Variants in KDM5B observed in about 807,000 individuals in gnomAD.
KDM5B encodes the protein lysine-specific demethylase 5B.
KDM5B carries 144 observed loss-of-function variants against 193.4 expected under a neutral mutation model. The ratio of observed to expected loss-of-function variants is 0.74; its 90% confidence interval spans 0.65 to 0.86. The LOEUF (loss-of-function observed/expected upper bound fraction) is 0.86. Ranked by LOEUF, KDM5B falls within the 40% of genes least tolerant of loss-of-function variation. The pLI is 0.00. For synonymous variants in KDM5B, 668 were observed against 682.6 expected, an observed-to-expected ratio of 0.98 and a Z score of 0.33; for missense variants, 1,833 against 1,886.9, an observed-to-expected ratio of 0.97 and a Z score of 0.53.
chr1:202,749,127 G>A lies in KDM5B; in HGVS notation c.1834C>T (p.Arg612Ter), dbSNP rs777362026. The A allele has an allele frequency of 5.0e-6, 8 of 1,599,886 alleles. No homozygotes were observed. Among genetic ancestry groups the A allele is most frequent in the Non-Finnish European group, 6.0e-6 (7 of 1,176,016 alleles). The change falls in exon 14 of 27, where the codon CGA becomes TGA. Residue 612 changes from arginine (R) to a stop codon, truncating the protein, a stop_gained. Coordinates refer to ENST00000367265, the MANE Select transcript of KDM5B (RefSeq NM_006618.5). LOFTEE classifies it high-confidence loss of function. The part of the protein sequence containing the change: ...FCTVDWLPLG[R>*]QCVEHYRLLH... ...AAGCGATAATGCTCCACACACTGTC[G>A]GCCTAATGGCAGCTGTATCAAAACA...
chr1:202,782,185 T>C (rs1657225512), intron 1 of KDM5B, among the ~76,000 whole-genome samples: 1 of 152,188 alleles, frequency 6.6e-6, no homozygotes, highest in Non-Finnish European at 1.5e-5. Flanking sequence ...ACAAACTCTG[T>C]CATCTCTTCT....
chr1:202,746,407 C>A (rs12045401), intron 14 of KDM5B, 84 bp from the exon 15 acceptor site: 21 of 627,442 alleles, frequency 3.3e-5, no homozygotes, highest in African/African-American at 1.5e-4. Context: ...GTACTTGAGT[C>A]TGAAAAAAAA....
rs182393843 is a variant in KDM5B at position 202,728,256 on chromosome 1, A to G, written c.*780T>C. On this transcript the variant is annotated 3_prime_UTR_variant, in exon 27 of 27. Coordinates refer to ENST00000367265, the MANE Select transcript of KDM5B (RefSeq NM_006618.5). ...TAAACTGTAACATTTGATACAAGCTACCAAAAAATAGGGGAGAAAGGAAGG... is the reference window on the plus strand; with the variant it reads ...TAAACTGTAACATTTGATACAAGCTGCCAAAAAATAGGGGAGAAAGGAAGG... The G allele has an allele frequency of 6.6e-6, 1 of 152,560 alleles. No homozygotes were observed. Among genetic ancestry groups the G allele is most frequent in the Non-Finnish European group, 1.5e-5 (1 of 68,060 alleles). 9.5% of individuals were successfully genotyped at this position (152,560 alleles called of 1,614,324 possible).
chr1:202,762,782 G>C lies in KDM5B; in HGVS notation c.835C>G (p.Gln279Glu). The C allele has an allele frequency of 6.2e-7, 1 of 1,607,132 alleles. No individual in the cohort carries two copies. The highest frequency in any genetic ancestry group is 8.5e-7 in the Non-Finnish European group (1 of 1,173,800). Reference protein sequence around the residue: ...NEKEMKSSIKQEPIERKDYIV... With the variant: ...NEKEMKSSIKEEPIERKDYIV... ...TAATCTTTCCTCTCAATAGGTTCTT[G>C]CTTGATGCTACTCTTCATTTCTTTC... The change falls in exon 7 of 27, where the codon CAA (glutamine) becomes GAA (glutamate). Residue 279 changes from glutamine to glutamate, a missense_variant. Transcript: ENST00000367265.
intron 26 of KDM5B, 93 bp from the exon 27 acceptor site, chr1:202,729,266 A>G: frequency 1.4e-6 from 2 of 1,390,758 alleles, no homozygotes; most frequent in South Asian, 2.4e-5. Flanking sequence ...GCCGTTTGCC[A>G]ATAACAGCCA....
chr1:202,749,280 T>C, intron 13 of KDM5B, 141 bp from the exon 14 acceptor site: 1 of 714,700 alleles, frequency 1.4e-6, no homozygotes, highest in Admixed American at 3.2e-5. Flanking sequence ...AACCAGACTC[T>C]GGGCCAGGTA....
At chr1:202,786,912 C>T (rs1219524472) in intron 1 of KDM5B, among the ~76,000 whole-genome samples, 1 of 152,076 alleles carries the variant, frequency 6.6e-6, no homozygotes. Context: ...GATCTTAGAC[C>T]AGCCTGACCA....
At chr1:202,729,285 C>A in intron 26 of KDM5B, 112 bp from the exon 27 acceptor site, 9 of 1,134,560 alleles carry the variant, frequency 7.9e-6, no homozygotes, top group Middle Eastern at 2.9e-4. Context: ...CACTGTCCCA[C>A]CACTGGGACC....
chr1:202,738,986 TTTTA>T (rs1310340444), intron 20 of KDM5B, among the ~76,000 whole-genome samples: 5 of 152,108 alleles, frequency 3.3e-5, no homozygotes, highest in African/African-American at 1.2e-4. Flanking sequence ...ACTGGGTAGG[TTTTA>T]TTTCTTTTGT....
chr1:202,801,410 G>A (rs1288298132), intron 1 of KDM5B, among the ~76,000 whole-genome samples: 1 of 152,166 alleles, frequency 6.6e-6, no homozygotes, highest in Non-Finnish European at 1.5e-5. Flanking sequence ...GGACTTAAAA[G>A]AATGCATTCC....
chr1:202,774,620 A>G lies in KDM5B; in HGVS notation c.398T>C (p.Leu133Pro). The change falls in exon 3 of 27, where the codon CTT becomes CCT. Residue 133 changes from leucine (L) to proline (P), a missense_variant. Transcript: ENST00000367265. Reference sequence around the variant, plus strand: ...TGGTCATTAGCTCTTTACCTTATTAAGCTGAAATAAGTCCAAGATCTTCCT... The same window carrying G: ...TGGTCATTAGCTCTTTACCTTATTAGGCTGAAATAAGTCCAAGATCTTCCT... ...VERKILDLFQ[L>P]NKLVAEEGGF... 6.2e-7 allele frequency: 1 copy of G among 1,610,616 alleles called. No homozygotes were observed. Among genetic ancestry groups the G allele is most frequent in the Non-Finnish European group, 8.5e-7 (1 of 1,177,044 alleles).
chr1:202,746,494 A>C, intron 14 of KDM5B, 171 bp from the exon 15 acceptor site: 1 of 513,822 alleles, frequency 1.9e-6, no homozygotes, highest in Non-Finnish European at 3.4e-6. Flanking sequence ...TAGCAAATAC[A>C]GGCAAGTTCA....
chr1:202,737,950 T>C (rs1393276461), intron 20 of KDM5B, among the ~76,000 whole-genome samples: 2 of 152,248 alleles, frequency 1.3e-5, no homozygotes, highest in Non-Finnish European at 2.9e-5. Flanking sequence ...TGTTAGGGCA[T>C]AAATGTTCTG....
intron 2 of KDM5B, among the ~76,000 whole-genome samples, chr1:202,775,064 ACC>A (rs11337396): frequency 6.6e-6 from 1 of 150,690 alleles, no homozygotes. Context: ...ACATGATGAA[ACC>A]CCCCATCTCT....
At position 202,745,907 on chromosome 1, in the gene KDM5B, C is replaced by A; in HGVS notation, c.2274G>T (p.Trp758Cys). ...LKLRAESYNE[W>C]ALNVNEALEA... The stretch of plus-strand genomic sequence containing the variant: ...CCAAAGCTTCATTCACATTCAAGGC[C>A]CATTCGTTGTAAGATTCTGCTCGAA... The change falls in exon 16 of 27, where the codon TGG becomes TGT. Residue 758 changes from tryptophan (W) to cysteine (C), a missense_variant. Trp to Cys is a radical substitution (Grantham distance 215). This residue lies in a region of KDM5B where 1,379 missense variants were observed against 1,349.6 expected (regional missense o/e 1.02). Coordinates refer to ENST00000367265, the MANE Select transcript of KDM5B (RefSeq NM_006618.5). The A allele has an allele frequency of 6.2e-7, 1 of 1,613,942 alleles. No homozygotes were observed. Among genetic ancestry groups the A allele is most frequent in the Non-Finnish European group, 8.5e-7 (1 of 1,179,866 alleles).
intron 14 of KDM5B, 84 bp from the exon 15 acceptor site, chr1:202,746,407 C>G (rs12045401): frequency 8.0e-6 from 5 of 627,420 alleles, no homozygotes; most frequent in African/African-American, 3.9e-5. Context: ...GTACTTGAGT[C>G]TGAAAAAAAA....
At chr1:202,746,423 AGCTTT>A in intron 14 of KDM5B, 100 bp from the exon 15 acceptor site, 1 of 719,178 alleles carries the variant, frequency 1.4e-6, no homozygotes, top group Non-Finnish European at 2.1e-6. Context: ...AAAAAAAAAA[AGCTTT>A]ACCAAAATAG....
Position 202,724,586 on chromosome 1 carries a change from T to A in KDM5B, c.*4450A>T, listed in dbSNP as rs1376960671. On this transcript the variant is annotated 3_prime_UTR_variant, in exon 27 of 27. Coordinates refer to ENST00000367265, the MANE Select transcript of KDM5B (RefSeq NM_006618.5). Reference sequence around the variant, plus strand: ...TTATGGCTATTATGAATGAAGGCCCTCATCCCCAAACTAATTTTTCTCAAT... The same window carrying A: ...TTATGGCTATTATGAATGAAGGCCCACATCCCCAAACTAATTTTTCTCAAT... The A allele has an allele frequency of 6.6e-6, 1 of 152,234 alleles. No individual in the cohort carries two copies. Among genetic ancestry groups the A allele is most frequent in the African/African-American group, 2.4e-5 (1 of 41,464 alleles). The allele number at this position is 152,234 out of a possible 1,614,324, so 9.4% of individuals were successfully genotyped here. A position where few individuals can be genotyped will look rare whatever the true frequency, so the allele number is the denominator to read the frequency against.
Position 202,733,682 on chromosome 1 carries a change from A to C in KDM5B, c.3628T>G (p.Ser1210Ala). The C allele has an allele frequency of 6.2e-7, 1 of 1,614,138 alleles. No individual in the cohort carries two copies. Among genetic ancestry groups the C allele is most frequent in the Non-Finnish European group, 8.5e-7 (1 of 1,180,010 alleles). ...HTSCVAVPSI[S>A]QGLRIWLCPH... ...CAAAGCCAGATTCGCAGGCCCTGTG[A>C]AATACTGGGTACCGCCACACAACTG... Residue 1210 changes from serine to alanine, a missense_variant, in exon 23 of 27, where the codon TCA becomes GCA. This residue lies in a region of KDM5B where 1,379 missense variants were observed against 1,349.6 expected (regional missense o/e 1.02). Coordinates refer to ENST00000367265, the MANE Select transcript of KDM5B (RefSeq NM_006618.5).
Sources: allele counts gnomAD v4.1 joint callset (sites outside exome capture counted in the v4.1 genomes callset), GRCh38; gene constraint gnomAD v4.1.1; regional missense constraint gnomAD v4.1.1; transcripts MANE v1.5; gene names NCBI Gene and HGNC (gene_info 2026-07-23, HGNC 2026-07-21).